CEP72: variants seen among roughly 807,000 people sequenced by gnomAD.
CEP72 encodes the protein centrosomal protein of 72 kDa.
CEP72 carries 78 observed loss-of-function variants against 65.7 expected under a neutral mutation model. That is an observed-to-expected ratio of 1.19 (90% confidence interval 0.99 to 1.43). The LOEUF (loss-of-function observed/expected upper bound fraction) is 1.43. Among genes scored for constraint, CEP72 ranks in the 40% most tolerant of loss-of-function variants. The pLI, the probability that CEP72 is intolerant of heterozygous loss-of-function variation, is 0.00. For synonymous variants in CEP72, 358 were observed against 351.7 expected (o/e 1.02, Z -0.20); for missense variants, 914 against 832.9 (o/e 1.10, Z -1.20).
At position 665,302 on chromosome 5, in the gene CEP72, A is replaced by C. The variant is rs768693619; in HGVS notation, n.410A>C. ...GTGGGCGACGAGATGGCTTTCTGCAAGAGGAGCAGGAGGAAGGGGGCAGGT... is the reference window on the plus strand; with the variant it reads ...GTGGGCGACGAGATGGCTTTCTGCACGAGGAGCAGGAGGAAGGGGGCAGGT... On this transcript the variant is annotated non_coding_transcript_exon_variant, in exon 3 of 5. Coordinates refer to the CEP72 transcript ENST00000514507. 24 of 1,610,674 alleles carry C rather than the reference A, an allele frequency of 1.5e-5. No individual in the cohort carries two copies. In the African/African-American group the frequency reaches 2.8e-4, roughly 19 times the overall value.
chr5:662,926 C>T (rs1243733720), intron 1 of CEP72: 6 of 143,162 alleles, frequency 4.2e-5, no homozygotes, highest in Admixed American at 2.0e-4. Context: ...GGTGACCGCT[C>T]GTCTGTGATC....
intron 1 of CEP72, 44 bp downstream of exon 1, chr5:612,487 G>GGGGT: frequency 7.2e-7 from 1 of 1,381,286 alleles, no homozygotes; most frequent in Non-Finnish European, 9.4e-7. Context: ...AGGTGGCGGG[G>GGGGT]GGGTGGGTGC....
chr5:661,955 A>C (rs1739630576), downstream of CEP72: 1 of 152,184 alleles, frequency 6.6e-6, no homozygotes, highest in African/African-American at 2.4e-5. Context: ...GGAAGTGTGG[A>C]GGGAGAGTGG....
downstream of CEP72, chr5:660,330 C>T (rs1299117139): frequency 6.6e-6 from 1 of 151,832 alleles, no homozygotes; most frequent in Admixed American, 6.6e-5. Context: ...TGTGGTTTGG[C>T]TTGGTTTAGT....
chr5:643,679 G>A (rs1165973063), intron 9 of CEP72: 1 of 985,146 alleles, frequency 1.0e-6, no homozygotes, highest in South Asian at 4.7e-5. Context: ...GGTGAGACGG[G>A]ATCCCTGGGG....
At chr5:644,085 C>T in intron 9 of CEP72, 1 of 541,202 alleles carries the variant, frequency 1.8e-6, no homozygotes, top group South Asian at 2.1e-5. Context: ...CATCCCTCTC[C>T]TCACTTCCCC....
chr5:620,512 G>A (rs148031750), intron 3 of CEP72, among the ~76,000 whole-genome samples: 111 of 152,288 alleles, frequency 7.3e-4, no homozygotes, highest in African/African-American at 2.4e-3. Flanking sequence ...GCACAGCCCC[G>A]GACCAGGCTG....
chr5:656,902 A>G (rs944685038), downstream of CEP72: 1 of 152,140 alleles, frequency 6.6e-6, no homozygotes, highest in Non-Finnish European at 1.5e-5. Flanking sequence ...CTCACTTGTA[A>G]TGGATTTTTT....
downstream of CEP72, among the ~76,000 whole-genome samples, chr5:653,904 A>G (rs892647221): frequency 1.3e-5 from 2 of 152,242 alleles, no homozygotes; most frequent in African/African-American, 4.8e-5. Context: ...ATGACGTTCA[A>G]CTGATTTGGG....
chr5:639,986 G>T (rs902705719), intron 8 of CEP72, among the ~76,000 whole-genome samples: 2 of 152,180 alleles, frequency 1.3e-5, no homozygotes, highest in Non-Finnish European at 2.9e-5. Flanking sequence ...CTAGGCTGGT[G>T]TCCTGTGGGA....
At position 619,002 on chromosome 5, in the gene CEP72, C is replaced by G; in HGVS notation, c.95C>G (p.Ser32Ter). The stretch of plus-strand genomic sequence containing the variant: ...TTTCTATTCTTAGCTGAGCTTCAGT[C>G]ATTGTCTATTCCTGGAACTTACCAA... Reference protein sequence around the residue: ...GPHRDLAELQSLSIPGTYQEK... With the variant: ...GPHRDLAELQ Residue 32 changes from serine to a stop codon, truncating the protein, a stop_gained, in exon 2 of 12, where the codon TCA (serine) becomes TGA (stop). Coordinates refer to ENST00000264935, the MANE Select transcript of CEP72 (RefSeq NM_018140.4). LOFTEE classifies it high-confidence loss of function. The G allele has an allele frequency of 6.2e-7, 1 of 1,608,704 alleles. No individual in the cohort carries two copies. The highest frequency in any genetic ancestry group is 1.1e-5 in the South Asian group (1 of 90,890).
At chr5:644,084 C>G in intron 9 of CEP72, 1 of 539,416 alleles carries the variant, frequency 1.9e-6, no homozygotes, top group Non-Finnish European at 3.3e-6. Flanking sequence ...CCATCCCTCT[C>G]CTCACTTCCC....
At chr5:666,318 C>T (rs1281002197) in intron 4 of CEP72, among the ~76,000 whole-genome samples, 2 of 152,226 alleles carry the variant, frequency 1.3e-5, no homozygotes, top group Non-Finnish European at 2.9e-5. Flanking sequence ...CTCTATAAAG[C>T]TGGATGCTCA....
chr5:641,239 G>A (rs929137102), intron 9 of CEP72: 48 of 985,250 alleles, frequency 4.9e-5, no homozygotes, highest in Non-Finnish European at 5.2e-5. Flanking sequence ...CTCCCTCCAC[G>A]CTGCAAGGGC....
the CEP72 span, among the ~76,000 whole-genome samples, chr5:673,376 G>A: frequency 6.6e-6 from 1 of 152,168 alleles, no homozygotes; most frequent in Non-Finnish European, 1.5e-5. Context: ...CAGGAGGGAA[G>A]GACAGTTTGA....
At chr5:647,943 C>T in intron 11 of CEP72, 27 bp downstream of exon 11, 1 of 1,549,290 alleles carries the variant, frequency 6.5e-7, no homozygotes, top group Non-Finnish European at 8.9e-7. Flanking sequence ...CTTGGGTGGG[C>T]CCCCGAGGGG....
At position 614,389 on chromosome 5, in the gene CEP72, A is replaced by C. The variant is rs532782722; in HGVS notation, c.82+1946A>C. Among the ~76,000 whole-genome samples, 150 of 150,686 alleles carry C rather than the reference A, an allele frequency of 1.0e-3. 2 individuals are homozygous for C. The highest frequency in any genetic ancestry group is 3.6e-3 in the African/African-American group (148 of 41,006). On this transcript the variant is annotated intron_variant, in intron 1 of 11. Coordinates refer to ENST00000264935, the MANE Select transcript of CEP72 (RefSeq NM_018140.4). Reference sequence around the variant, plus strand: ...TTTGTTATGTTGTATTTTAATTTTCATCCAGTTCAGCGTATTTTAAGAATT... The same window carrying C: ...TTTGTTATGTTGTATTTTAATTTTCCTCCAGTTCAGCGTATTTTAAGAATT...
At chr5:641,815 C>T (rs1179785394) in intron 9 of CEP72, 1 of 984,216 alleles carries the variant, frequency 1.0e-6, no homozygotes, top group African/African-American at 1.8e-5. Flanking sequence ...CACACGTGGT[C>T]CCCGGTCCAG....
chr5:633,794 A>G lies in CEP72; in HGVS notation c.538A>G (p.Thr180Ala), dbSNP rs375118383. The G allele has an allele frequency of 5.6e-6, 9 of 1,613,984 alleles. No homozygotes were observed. In the East Asian group the frequency reaches 1.6e-4, roughly 28 times the overall value. The change falls in exon 5 of 12, where the codon ACC becomes GCC. Residue 180 changes from threonine to alanine, a missense_variant. Physicochemically the swap from Thr to Ala is moderately conservative, Grantham distance 58. Transcript: ENST00000264935. ...GRPHHPRAKC[T>A]EALAKQSLVM... ...ACCACACCACCCCAGAGCCAAGTGC[A>G]CCGAGGCCTTGGCCAAGCAGAGCCT...
Sources: allele counts gnomAD v4.1 joint callset (sites outside exome capture counted in the v4.1 genomes callset), GRCh38; gene constraint gnomAD v4.1.1; transcripts MANE v1.5; gene names NCBI Gene and HGNC (gene_info 2026-07-23, HGNC 2026-07-21).